Variants in SLC26A11 observed in about 807,000 individuals in gnomAD.
SLC26A11 encodes the protein solute carrier family 26 member 11.
SLC26A11 carries 58 observed loss-of-function variants against 62.2 expected under a neutral mutation model. That is an observed-to-expected ratio of 0.93 (90% CI 0.76 to 1.16). SLC26A11 has a LOEUF of 1.16. Ranked by LOEUF, SLC26A11 falls within the 50% of genes most tolerant of loss-of-function variation. SLC26A11 has a pLI of 0.00. For missense variants in SLC26A11, 790 were observed against 794.3 expected (o/e 0.99, Z 0.06); for synonymous variants, 411 against 368.9 (o/e 1.11, Z -1.31).
rs903262018 is a variant in SLC26A11, at chr17:80,223,876, A to G, written c.513+539A>G. ...CAGTCATCAGCTGAGGGTGTAATTT[A>G]TTCTGTTTTTGCTGGGTTGTAAGTT... is the stretch of plus-strand genomic sequence containing the variant. On this transcript the variant is annotated intron_variant, in intron 5 of 17. Coordinates refer to ENST00000361193, the MANE Select transcript of SLC26A11 (RefSeq NM_001166347.2). The surrounding 1 kb of genome is among the most constrained non-coding windows in gnomAD (Gnocchi z 4.6). 6.6e-6 allele frequency among the ~76,000 whole-genome samples: 1 copy of G among 152,150 alleles called. No individual in the cohort carries two copies. The highest frequency in any genetic ancestry group is 1.5e-5 in the Non-Finnish European group (1 of 68,026).
chr17:80,221,326 G>A (rs1200729775), intron 2 of SLC26A11: 2 of 494,280 alleles, frequency 4.0e-6, no homozygotes, highest in Admixed American at 4.0e-5. Context: ...TTGCACGGGG[G>A]GGATTCAGGG....
chr17:80,236,517 G>A (rs865945093), intron 7 of SLC26A11, among the ~76,000 whole-genome samples: 2 of 152,202 alleles, frequency 1.3e-5, no homozygotes, highest in African/African-American at 2.4e-5. Flanking sequence ...GCTGTCCCGC[G>A]TCTTAGTGGC....
intron 7 of SLC26A11, among the ~76,000 whole-genome samples, chr17:80,234,730 G>A (rs1369035978): frequency 6.6e-6 from 1 of 151,960 alleles, no homozygotes; most frequent in Non-Finnish European, 1.5e-5. Context: ...GATAGTTTCT[G>A]CTGCTACATT....
chr17:80,222,387 A>AAG lies in SLC26A11; in HGVS notation c.235-267_235-266insGA, dbSNP rs2144862486. ...CGAGACTCCATCTCAAAAAAAAAAAAAAAGAATGCTTCCTCAGACTTGGAC... is the reference window on the plus strand; with the variant it reads ...CGAGACTCCATCTCAAAAAAAAAAAAAGAAAGAATGCTTCCTCAGACTTGGAC... On this transcript the variant is annotated intron_variant, in intron 3 of 17. Transcript: ENST00000361193. This position sits in a 1 kb window ranked among gnomAD's most constrained non-coding sequence, Gnocchi z 4.7. The AAG allele has an allele frequency of 2.7e-6, 1 of 364,800 alleles. No homozygotes were observed. The highest frequency in any genetic ancestry group is 4.7e-5 in the East Asian group (1 of 21,264). 22.6% of individuals were successfully genotyped at this position (364,800 alleles called of 1,614,324 possible).
In SLC26A11 at chr17:80,223,393, G is replaced by A; in HGVS notation, c.513+56G>A. On this transcript the variant is annotated intron_variant, in intron 5 of 17. Coordinates refer to ENST00000361193, the MANE Select transcript of SLC26A11 (RefSeq NM_001166347.2). The surrounding 1 kb of genome is among the most constrained non-coding windows in gnomAD (Gnocchi z 4.6). ...CTTTGGCCACTGCTCGTTGGCACAG[G>A]GATGGCGGGAGCAGGACTGAGGCCA... The A allele has an allele frequency of 6.5e-6, 10 of 1,540,512 alleles. 1 individual carries two copies. The South Asian group carries it at 7.9e-5, about 12-fold the overall frequency.
intron 16 of SLC26A11, among the ~76,000 whole-genome samples, chr17:80,250,405 G>C (rs1199865581): frequency 6.6e-6 from 1 of 152,204 alleles, no homozygotes; most frequent in Non-Finnish European, 1.5e-5. Flanking sequence ...CAGGTAATCT[G>C]CCCACGGTCA....
At chr17:80,221,920 A>G (rs987800348) in intron 3 of SLC26A11, 126 bp downstream of exon 3, 3 of 1,003,636 alleles carry the variant, frequency 3.0e-6, no homozygotes, top group Admixed American at 5.3e-5. Context: ...TTTGGTTTAC[A>G]GTGTGTGACG....
Position 80,248,640 on chromosome 17 carries a change from T to G in SLC26A11, c.1488T>G (p.Ala496=). 1 of 1,583,650 alleles carries G rather than the reference T, an allele frequency of 6.3e-7. No homozygotes were observed. The highest frequency in any genetic ancestry group is 8.6e-7 in the Non-Finnish European group (1 of 1,164,974). The change falls in exon 15 of 18, where the codon GCT becomes GCG. Residue 496 remains alanine, a synonymous_variant. Coordinates refer to ENST00000361193, the MANE Select transcript of SLC26A11 (RefSeq NM_001166347.2). The part of the protein sequence containing the change: ...ASGLSFPAME[A]LREEILSRAL... ...GCCTGTCCTTCCCTGCCATGGAGGC[T>G]CTGCGGGAGGAGATCCTAAGCCGGG...
In SLC26A11 at chr17:80,220,993, C is replaced by CCG. The variant is rs1664430457; in HGVS notation, c.-135_-134insGC. ...CGTGGCCTCAGGAGCGGAGGACCCC[C>CCG]CCACTCTCCCTCGAGCGCCGCAGTC... On this transcript the variant is annotated 5_prime_UTR_variant, in exon 2 of 18. Transcript: ENST00000361193. 2 of 152,826 alleles carry CCG rather than the reference C, an allele frequency of 1.3e-5. No individual in the cohort carries two copies. The highest frequency in any genetic ancestry group is 1.9e-4 in the East Asian group (1 of 5,184). The allele number at this position is 152,826 out of a possible 1,614,324, so 9.5% of individuals were successfully genotyped here.
At chr17:80,249,851 G>A (rs1166239904) in intron 16 of SLC26A11, among the ~76,000 whole-genome samples, 2 of 151,574 alleles carry the variant, frequency 1.3e-5, no homozygotes, top group African/African-American at 4.9e-5. Context: ...GTTGCAGTAA[G>A]CCGAGATCCC....
chr17:80,222,514 A>T lies in SLC26A11; in HGVS notation c.235-141A>T. 1 of 843,082 alleles carries T rather than the reference A, an allele frequency of 1.2e-6. No individual in the cohort carries two copies. The highest frequency in any genetic ancestry group is 3.6e-4 in the Middle Eastern group (1 of 2,814). 52.2% of individuals were successfully genotyped at this position (843,082 alleles called of 1,614,324 possible). A position where few individuals can be genotyped will look rare whatever the true frequency, so the allele number is the denominator to read the frequency against. ...GTGGCCTCCTGATCACTGCAGGTCCACCCACAGGGCAGGGCGGTGCACCTT... is the reference window on the plus strand; with the variant it reads ...GTGGCCTCCTGATCACTGCAGGTCCTCCCACAGGGCAGGGCGGTGCACCTT... On this transcript the variant is annotated intron_variant, in intron 3 of 17. Coordinates refer to ENST00000361193, the MANE Select transcript of SLC26A11 (RefSeq NM_001166347.2). This position sits in a 1 kb window ranked among gnomAD's most constrained non-coding sequence, Gnocchi z 4.7.
At chr17:80,248,349 C>G in intron 14 of SLC26A11, 92 bp downstream of exon 14, 1 of 1,483,536 alleles carries the variant, frequency 6.7e-7, no homozygotes, top group Non-Finnish European at 9.0e-7. Context: ...TGATTGTGGT[C>G]GTGGGTGCTG....
At chr17:80,251,269 G>A in intron 16 of SLC26A11, 60 bp from the exon 17 acceptor site, 2 of 1,613,362 alleles carry the variant, frequency 1.2e-6, no homozygotes, top group Admixed American at 1.7e-5. Context: ...CTACCAGGCT[G>A]CCGACCCGTG....
intron 3 of SLC26A11, 144 bp downstream of exon 3, chr17:80,221,938 T>G (rs1295454889): frequency 4.7e-6 from 4 of 849,706 alleles, no homozygotes; most frequent in Non-Finnish European, 7.1e-6. Flanking sequence ...ACGCAGATTG[T>G]CTCTGGGCCG....
At chr17:80,248,871 A>G (rs2043084594) in intron 15 of SLC26A11, among the ~76,000 whole-genome samples, 197 bp downstream of exon 15, 1 of 151,998 alleles carries the variant, frequency 6.6e-6, no homozygotes, top group Non-Finnish European at 1.5e-5. Flanking sequence ...CCCCCCACAT[A>G]TCACTCCTTC....
intron 6 of SLC26A11, among the ~76,000 whole-genome samples, chr17:80,226,631 G>C (rs1443635303): frequency 1.3e-5 from 2 of 152,174 alleles, no homozygotes. Context: ...AACCTGTGAG[G>C]CGGAGGTTGC....
At chr17:80,221,846 C>G (rs2042214104) in intron 3 of SLC26A11, 52 bp downstream of exon 3, 2 of 1,525,608 alleles carry the variant, frequency 1.3e-6, no homozygotes, top group Non-Finnish European at 1.8e-6. Context: ...GTGCAGAATA[C>G]ACAGTATCAA....
At chr17:80,231,258 G>A (rs1217079944) in intron 7 of SLC26A11, among the ~76,000 whole-genome samples, 1 of 150,910 alleles carries the variant, frequency 6.6e-6, no homozygotes, top group Non-Finnish European at 1.5e-5. Context: ...CGCCTCCCGG[G>A]TTCAAGTGAT....
At chr17:80,235,694 T>C (rs1004005588) in intron 7 of SLC26A11, among the ~76,000 whole-genome samples, 3 of 152,246 alleles carry the variant, frequency 2.0e-5, no homozygotes, top group African/African-American at 4.8e-5. Context: ...TAATTTTTGT[T>C]TGGATGGATG....
Sources: gnomAD v4.1 joint callset for allele counts (sites outside exome capture counted in the v4.1 genomes callset) on GRCh38, gnomAD v4.1.1 for gene constraint, Gnocchi (gnomAD v3.1) non-coding constraint, MANE v1.5 for transcripts, NCBI Gene and HGNC (gene_info 2026-07-23, HGNC 2026-07-21) for gene names.